The following AP3B1 variants were observed in gnomAD, a reference collection of about 807,000 sequenced individuals.
AP3B1 encodes the protein AP-3 complex subunit beta-1.
A neutral mutation model predicts 132.5 loss-of-function variants in AP3B1; 61 were observed. The observed-to-expected ratio is 0.46, with a 90% confidence interval of 0.37 to 0.57. The LOEUF is 0.57. AP3B1 is among the 20% of genes least tolerant of loss of function. AP3B1 has a pLI of 0.00. For synonymous variants in AP3B1, 388 were observed against 438.3 expected (o/e 0.89, Z 1.43); for missense variants, 1,120 against 1,289.4 (o/e 0.87, Z 2.01).
chr5:78,075,533 G>A (rs1250269648), intron 22 of AP3B1, among the ~76,000 whole-genome samples: 1 of 152,200 alleles, frequency 6.6e-6, no homozygotes, highest in Non-Finnish European at 1.5e-5. Flanking sequence ...TCCACTGGCT[G>A]CCAATTTTCG....
At chr5:78,079,167 T>G (rs1228852668) in intron 22 of AP3B1, among the ~76,000 whole-genome samples, 1 of 152,242 alleles carries the variant, frequency 6.6e-6, no homozygotes, top group East Asian at 1.9e-4. Flanking sequence ...GAATGTTTTT[T>G]AAAAAGGTAC....
At chr5:78,118,377 T>C (rs994336290) in intron 17 of AP3B1, among the ~76,000 whole-genome samples, 1 of 152,180 alleles carries the variant, frequency 6.6e-6, no homozygotes, top group Non-Finnish European at 1.5e-5. Flanking sequence ...GGATGAGGCA[T>C]TGCCTCACTC....
intron 1 of AP3B1, among the ~76,000 whole-genome samples, chr5:78,286,093 C>T (rs914378425): frequency 1.4e-4 from 21 of 152,168 alleles, no homozygotes; most frequent in Non-Finnish European, 2.1e-4. Flanking sequence ...ATCAGGTCTC[C>T]GCCTTCCACT....
chr5:78,183,549 A>G (rs1324127687), intron 7 of AP3B1, among the ~76,000 whole-genome samples: 2 of 152,174 alleles, frequency 1.3e-5, no homozygotes, highest in Non-Finnish European at 2.9e-5. Context: ...GGTAAAAAAT[A>G]CAGAAATAGA....
intron 7 of AP3B1, among the ~76,000 whole-genome samples, chr5:78,215,044 TATA>T (rs1334229227): frequency 6.6e-6 from 1 of 152,112 alleles, no homozygotes; most frequent in African/African-American, 2.4e-5. Flanking sequence ...ATCAACATTT[TATA>T]ATAATTTGCA....
chr5:78,092,809 C>A (rs559129477), intron 21 of AP3B1, among the ~76,000 whole-genome samples: 2 of 151,928 alleles, frequency 1.3e-5, no homozygotes, highest in African/African-American at 4.8e-5. Context: ...CACCATGCCC[C>A]GCTAATTTTT....
chr5:78,267,303 A>G (rs1185127621), intron 2 of AP3B1, among the ~76,000 whole-genome samples: 1 of 152,132 alleles, frequency 6.6e-6, no homozygotes, highest in Admixed American at 6.5e-5. Flanking sequence ...AAATTAAAAC[A>G]GAGAAAAGAT....
intron 7 of AP3B1, among the ~76,000 whole-genome samples, chr5:78,209,801 A>G (rs1745659283): frequency 6.6e-6 from 1 of 152,194 alleles, no homozygotes; most frequent in South Asian, 2.1e-4. Context: ...TGTTTCTCAT[A>G]AGCCTTGTAG....
chr5:78,222,505 T>C (rs1236676631), intron 6 of AP3B1: 1 of 152,194 alleles, frequency 6.6e-6, no homozygotes, highest in East Asian at 1.9e-4. Flanking sequence ...GTTAGAACAA[T>C]GAACACTAGT....
chr5:78,184,872 T>C (rs932031619), intron 7 of AP3B1, among the ~76,000 whole-genome samples: 1 of 152,144 alleles, frequency 6.6e-6, no homozygotes, highest in Middle Eastern at 3.2e-3. Flanking sequence ...GGAAGCTGAG[T>C]AAACCCTAAA....
intron 8 of AP3B1, among the ~76,000 whole-genome samples, chr5:78,179,265 T>G (rs1580451061): frequency 1.3e-5 from 2 of 152,326 alleles, no homozygotes; most frequent in South Asian, 4.1e-4. Flanking sequence ...GTAAATCCTT[T>G]TCCCTTACAA....
intron 22 of AP3B1, among the ~76,000 whole-genome samples, chr5:78,061,796 T>C (rs369772031): frequency 6.6e-6 from 1 of 152,340 alleles, no homozygotes; most frequent in East Asian, 1.9e-4. Flanking sequence ...TTACAATTCA[T>C]TTCCTAACCT....
At chr5:78,095,984 G>T (rs966207136) in intron 21 of AP3B1, among the ~76,000 whole-genome samples, 11 of 152,140 alleles carry the variant, frequency 7.2e-5, no homozygotes, top group South Asian at 2.1e-4. Context: ...TTAAAAACTT[G>T]ATTTTTTTAA....
rs781282753 is a variant in AP3B1, at chr5:78,008,298, CT to C, written c.3132-5244del. ...AAGGAAAAGCATCAAGAATACCTTT[CT>C]TTCATTTTTACGTGAAACAGTTACA... On this transcript the variant is annotated intron_variant, in intron 26 of 26. Coordinates refer to ENST00000255194, the MANE Select transcript of AP3B1 (RefSeq NM_003664.5). 4.6e-5 allele frequency among the ~76,000 whole-genome samples: 7 copies of C among 152,312 alleles called. No individual in the cohort carries two copies. In the East Asian group the frequency reaches 5.8e-4, roughly 13 times the overall value.
In AP3B1 at chr5:78,079,342, C is replaced by T. The variant is rs114843561; in HGVS notation, c.2577+10051G>A. On this transcript the variant is annotated intron_variant, in intron 22 of 26. Coordinates refer to ENST00000255194, the MANE Select transcript of AP3B1 (RefSeq NM_003664.5). Reference sequence around the variant, plus strand: ...ACAAAAGAATTTTACAGAAATAAAACCCTCATTAATCTGAACTCTAATTGA... The same window carrying T: ...ACAAAAGAATTTTACAGAAATAAAATCCTCATTAATCTGAACTCTAATTGA... 5.3e-3 allele frequency among the ~76,000 whole-genome samples: 810 copies of T among 152,008 alleles called. 8 individuals carry two copies. Among genetic ancestry groups the T allele is most frequent in the African/African-American group, 0.018 (730 of 41,442 alleles).
intron 2 of AP3B1, among the ~76,000 whole-genome samples, chr5:78,263,415 G>A (rs1310096670): frequency 6.6e-6 from 1 of 151,900 alleles, no homozygotes; most frequent in Non-Finnish European, 1.5e-5. Context: ...GAATCTTTAG[G>A]GTTTTCTACA....
At chr5:78,120,279 A>G (rs1752108778) in intron 17 of AP3B1, among the ~76,000 whole-genome samples, 1 of 152,246 alleles carries the variant, frequency 6.6e-6, no homozygotes, top group Admixed American at 6.5e-5. Context: ...AAGAAACTGC[A>G]TCAACTAACG....
At chr5:78,162,784 A>C in intron 13 of AP3B1, 35 bp downstream of exon 13, 2 of 1,610,068 alleles carry the variant, frequency 1.2e-6, no homozygotes, top group Non-Finnish European at 1.7e-6. Context: ...TTCAAATTTA[A>C]ATCACCTGAA....
At position 78,270,101 on chromosome 5, in the gene AP3B1, G is replaced by A. The variant is rs527909654; in HGVS notation, c.129-2506C>T. Among the ~76,000 whole-genome samples the A allele has an allele frequency of 8.2e-4, 125 of 152,090 alleles. 1 individual carries two copies. The highest frequency in any genetic ancestry group is 1.6e-3 in the Non-Finnish European group (106 of 67,978). On this transcript the variant is annotated intron_variant, in intron 1 of 26. Transcript: ENST00000255194. ...CTAATTTTGTATTTTAAGTAGAGAT[G>A]GGGTTTCATCATGTTGGCCAGGCTG...
Sources: gnomAD v4.1 joint callset for allele counts (sites outside exome capture counted in the v4.1 genomes callset) on GRCh38, gnomAD v4.1.1 for gene constraint, MANE v1.5 for transcripts, NCBI Gene and HGNC (gene_info 2026-07-23, HGNC 2026-07-21) for gene names.